The following FRMD5 variants were observed in gnomAD, a reference collection of about 807,000 sequenced individuals.
FRMD5 encodes FERM domain-containing protein 5.
FRMD5 carries 20 observed loss-of-function variants against 69.0 expected under a neutral mutation model. The observed-to-expected ratio is 0.29, with a 90% CI of 0.20 to 0.42. The LOEUF (loss-of-function observed/expected upper bound fraction) is 0.42. FRMD5 is among the 10% of genes least tolerant of loss of function. The pLI is 1.00. For synonymous variants in FRMD5, 271 were observed against 260.1 expected (o/e 1.04, Z -0.40); for missense variants, 595 against 708.6 (o/e 0.84, Z 1.82).
chr15:44,094,989 C>T (rs551544105), intron 1 of FRMD5, among the ~76,000 whole-genome samples: 1 of 151,934 alleles, frequency 6.6e-6, no homozygotes, highest in South Asian at 2.1e-4. Flanking sequence ...CTCACTGGAC[C>T]CCTAGGGAGC....
intron 1 of FRMD5, among the ~76,000 whole-genome samples, chr15:44,044,616 A>C (rs550032700): frequency 6.6e-6 from 1 of 152,296 alleles, no homozygotes; most frequent in African/African-American, 2.4e-5. Context: ...CTTTGCAGGG[A>C]CATGGATGAA....
intron 1 of FRMD5, among the ~76,000 whole-genome samples, chr15:44,133,257 A>C (rs2077130448): frequency 1.3e-5 from 2 of 151,710 alleles, no homozygotes; most frequent in African/African-American, 2.4e-5. Flanking sequence ...TAAAATGGCA[A>C]ATTTTATATG....
chr15:43,937,885 A>T (rs1018439935), intron 1 of FRMD5, among the ~76,000 whole-genome samples: 81 of 152,132 alleles, frequency 5.3e-4, no homozygotes, highest in African/African-American at 1.9e-3. Context: ...TGCCAACAGG[A>T]CCCCTAGTGG....
chr15:44,195,347 C>A, upstream of FRMD5: 2 of 453,920 alleles, frequency 4.4e-6, no homozygotes, highest in Non-Finnish European at 7.8e-6. Context: ...TGGGGGTCAG[C>A]GCGGCGGAAC....
chr15:44,143,095 A>G (rs1024424002), intron 1 of FRMD5, among the ~76,000 whole-genome samples: 19 of 152,138 alleles, frequency 1.2e-4, no homozygotes, highest in African/African-American at 4.8e-5. Flanking sequence ...CCGTCTCAAA[A>G]AAAAAAAGAA....
At chr15:43,941,439 C>T (rs2089861769) in intron 1 of FRMD5, among the ~76,000 whole-genome samples, 1 of 152,160 alleles carries the variant, frequency 6.6e-6, no homozygotes, top group Non-Finnish European at 1.5e-5. Context: ...TTCTTTAAAG[C>T]AAGTTTTAGA....
At chr15:43,881,386 C>T (rs906067513) in intron 13 of FRMD5, among the ~76,000 whole-genome samples, 3 of 152,196 alleles carry the variant, frequency 2.0e-5, no homozygotes, top group African/African-American at 4.8e-5. Context: ...CTCAGTTCTC[C>T]GGGTCAGCCT....
At chr15:44,084,931 C>G (rs946519451) in intron 1 of FRMD5, among the ~76,000 whole-genome samples, 3 of 152,052 alleles carry the variant, frequency 2.0e-5, no homozygotes, top group African/African-American at 7.2e-5. Flanking sequence ...GATATACAAT[C>G]TGGGGAAGCA....
chr15:44,093,574 CT>C (rs1028573519), intron 1 of FRMD5, among the ~76,000 whole-genome samples: 283 of 141,758 alleles, frequency 2.0e-3, no homozygotes, highest in African/African-American at 2.2e-3. Flanking sequence ...ACCATGCTAT[CT>C]TTTTTTTTTT....
At chr15:44,169,692 C>T (rs2555387) in intron 1 of FRMD5, among the ~76,000 whole-genome samples, 121,353 of 152,056 alleles carry the variant, frequency 0.8, 51,892 homozygotes, top group Non-Finnish European at 0.94. Context: ...ATGTGAGCTC[C>T]AATATGATAC....
At chr15:44,024,313 T>G (rs1253593132) in intron 1 of FRMD5, among the ~76,000 whole-genome samples, 1 of 152,172 alleles carries the variant, frequency 6.6e-6, no homozygotes, top group African/African-American at 2.4e-5. Flanking sequence ...TGGGAGAATT[T>G]CTTTAAGATA....
chr15:44,012,859 C>T (rs947535513), intron 1 of FRMD5, among the ~76,000 whole-genome samples: 28 of 151,492 alleles, frequency 1.8e-4, no homozygotes, highest in Non-Finnish European at 3.2e-4. Flanking sequence ...CTCTGCTTCC[C>T]CGGTTCAAGG....
Position 43,874,472 on chromosome 15 carries a change from C to T in FRMD5, c.1136-10G>A. ...CGTAAGGACTCTAGGCCTAGAAAGG[C>T]AAAAGGAACATGAGTAGGCTGTGTC... On this transcript the variant is annotated splice_polypyrimidine_tract_variant and intron_variant, in intron 13 of 13. Transcript: ENST00000417257. The T allele has an allele frequency of 1.2e-6, 2 of 1,607,552 alleles. No homozygotes were observed. The highest frequency in any genetic ancestry group is 1.7e-6 in the Non-Finnish European group (2 of 1,174,126).
chr15:43,888,804 C>G lies in FRMD5; in HGVS notation c.792+5G>C. ...CTCCTTGAAGAGAAGGAAGCCAGCA[C>G]TCACCTCTTTCTGACTTACGTATAA... On this transcript the variant is annotated splice_donor_5th_base_variant and intron_variant, in intron 9 of 13. Coordinates refer to ENST00000417257, the MANE Select transcript of FRMD5 (RefSeq NM_032892.5). 6.2e-7 allele frequency: 1 copy of G among 1,612,512 alleles called. No individual in the cohort carries two copies. The highest frequency in any genetic ancestry group is 8.5e-7 in the Non-Finnish European group (1 of 1,178,472).
At chr15:43,893,329 A>T (rs748940011) in intron 7 of FRMD5, among the ~76,000 whole-genome samples, 1 of 152,116 alleles carries the variant, frequency 6.6e-6, no homozygotes, top group Non-Finnish European at 1.5e-5. Context: ...ACCAACAGAG[A>T]GGGCCTCCTG....
chr15:43,974,645 G>T (rs962437157), intron 1 of FRMD5, among the ~76,000 whole-genome samples: 1 of 152,126 alleles, frequency 6.6e-6, no homozygotes, highest in African/African-American at 2.4e-5. Context: ...GCACACCATA[G>T]GTATTTGACA....
chr15:43,877,990 T>C (rs2088411420), intron 13 of FRMD5, among the ~76,000 whole-genome samples: 1 of 152,200 alleles, frequency 6.6e-6, no homozygotes, highest in Non-Finnish European at 1.5e-5. Context: ...AGCATCATTT[T>C]GTTATAATTT....
At chr15:43,963,441 A>G (rs2090238284) in intron 1 of FRMD5, among the ~76,000 whole-genome samples, 1 of 152,192 alleles carries the variant, frequency 6.6e-6, no homozygotes, top group South Asian at 2.1e-4. Context: ...AAATAGGAAC[A>G]CTTTTACACT....
At chr15:44,100,412 G>A (rs1230340661) in intron 1 of FRMD5, among the ~76,000 whole-genome samples, 1 of 151,996 alleles carries the variant, frequency 6.6e-6, no homozygotes, top group South Asian at 2.1e-4. Context: ...TTGTCACCTA[G>A]CAGCAAATGG....
Sources: gnomAD v4.1 joint callset for allele counts (sites outside exome capture counted in the v4.1 genomes callset) on GRCh38, gnomAD v4.1.1 for gene constraint, MANE v1.5 for transcripts, NCBI Gene and HGNC (gene_info 2026-07-23, HGNC 2026-07-21) for gene names.